The following TPST1 variants were observed in gnomAD, a reference collection of about 807,000 sequenced individuals.
TPST1 encodes protein-tyrosine sulfotransferase 1.
TPST1 carries 20 observed loss-of-function variants against 34.8 expected under a neutral mutation model. The ratio of observed to expected loss-of-function variants is 0.57; its 90% CI spans 0.40 to 0.84. TPST1 has a LOEUF of 0.84. Ranked by LOEUF, TPST1 falls within the 40% of genes least tolerant of loss-of-function variation. TPST1 has a pLI of 0.00. For missense variants in TPST1, 353 were observed against 455.5 expected (o/e 0.78, Z 2.05); for synonymous variants, 152 against 159.4 (o/e 0.95, Z 0.35).
intron 3 of TPST1, among the ~76,000 whole-genome samples, chr7:66,348,126 C>T (rs1792393087): frequency 6.6e-6 from 1 of 152,154 alleles, no homozygotes; most frequent in Non-Finnish European, 1.5e-5. Flanking sequence ...ATCCCACATC[C>T]TATCTGTTAG....
chr7:66,266,571 C>T (rs1165260550), intron 2 of TPST1, among the ~76,000 whole-genome samples: 2 of 152,086 alleles, frequency 1.3e-5, no homozygotes, highest in African/African-American at 4.8e-5. Flanking sequence ...AAAAGACTTA[C>T]AGAAGAATAT....
chr7:66,206,297 G>A (rs1441421059), intron 1 of TPST1, among the ~76,000 whole-genome samples: 1 of 152,034 alleles, frequency 6.6e-6, no homozygotes. Context: ...CCTTACATGA[G>A]CTGCACCCCA....
chr7:66,258,288 A>G (rs1163658811), intron 2 of TPST1, among the ~76,000 whole-genome samples: 2 of 152,152 alleles, frequency 1.3e-5, no homozygotes, highest in African/African-American at 4.8e-5. Context: ...CCTTGGAAGA[A>G]TGCTGATTTT....
chr7:66,345,756 C>A (rs1410949437), intron 3 of TPST1, among the ~76,000 whole-genome samples: 1 of 151,862 alleles, frequency 6.6e-6, no homozygotes, highest in Non-Finnish European at 1.5e-5. Context: ...TGCGGGTATA[C>A]AATATGTAAT....
At chr7:66,324,529 G>A (rs1375533751) in intron 3 of TPST1, among the ~76,000 whole-genome samples, 1 of 152,074 alleles carries the variant, frequency 6.6e-6, no homozygotes, top group Non-Finnish European at 1.5e-5. Context: ...ATTTTCGGCT[G>A]GGTGCAGTGG....
intron 1 of TPST1, among the ~76,000 whole-genome samples, chr7:66,232,929 G>A (rs529352813): frequency 1.3e-5 from 2 of 152,258 alleles, no homozygotes; most frequent in South Asian, 4.2e-4. Context: ...ATCTCATTGT[G>A]ATTTTGATTT....
At chr7:66,269,875 G>A (rs1379276468) in intron 2 of TPST1, among the ~76,000 whole-genome samples, 1 of 152,264 alleles carries the variant, frequency 6.6e-6, no homozygotes, top group East Asian at 1.9e-4. Flanking sequence ...AGTCAACAAA[G>A]CAGGCAAAAA....
At chr7:66,301,306 A>C (rs1287110536) in intron 3 of TPST1, among the ~76,000 whole-genome samples, 1 of 152,236 alleles carries the variant, frequency 6.6e-6, no homozygotes, top group Admixed American at 6.5e-5. Context: ...GCTTTGGCTT[A>C]AGGGAATGTC....
In TPST1 at chr7:66,360,419, A is replaced by G. The variant is rs1309204518; in HGVS notation, c.*554A>G. ...AATGACTTTTGTATTTTATTTTTCAAAATAAAAGCTTTCAATGTGAAGCAT... is the reference window on the plus strand; with the variant it reads ...AATGACTTTTGTATTTTATTTTTCAGAATAAAAGCTTTCAATGTGAAGCAT... On this transcript the variant is annotated 3_prime_UTR_variant, in exon 6 of 6. Transcript: ENST00000304842. The G allele has an allele frequency of 6.5e-6, 1 of 153,386 alleles. No individual in the cohort carries two copies. Among genetic ancestry groups the G allele is most frequent in the Non-Finnish European group, 1.5e-5 (1 of 68,824 alleles). The allele number at this position is 153,386 out of a possible 1,614,324, so 9.5% of individuals were successfully genotyped here. A position where few individuals can be genotyped will look rare whatever the true frequency, so the allele number is the denominator to read the frequency against.
intron 3 of TPST1, among the ~76,000 whole-genome samples, chr7:66,300,309 C>T (rs1393851118): frequency 6.6e-6 from 1 of 152,212 alleles, no homozygotes; most frequent in Admixed American, 6.5e-5. Context: ...TTTCTCTGCT[C>T]ATTCTTAAGA....
At chr7:66,227,418 T>C (rs1789681678) in intron 1 of TPST1, among the ~76,000 whole-genome samples, 1 of 152,010 alleles carries the variant, frequency 6.6e-6, no homozygotes, top group Admixed American at 6.6e-5. Context: ...AATTAATTAA[T>C]TAATTAATTT....
In TPST1 at chr7:66,325,900, C is replaced by T. The variant is rs181882037; in HGVS notation, c.1045-26605C>T. ...CTGCCCGCCTTGGCCTCCCAAATTG[C>T]TGGGGTTACAGGCGTGAGCCACCAT... On this transcript the variant is annotated intron_variant, in intron 3 of 5. Coordinates refer to ENST00000304842, the MANE Select transcript of TPST1 (RefSeq NM_003596.4). 2.0e-5 allele frequency among the ~76,000 whole-genome samples: 3 copies of T among 152,344 alleles called. No homozygotes were observed. In the East Asian group the frequency reaches 5.8e-4, roughly 29 times the overall value.
chr7:66,239,258 G>A (rs1445404427), intron 1 of TPST1, among the ~76,000 whole-genome samples: 1 of 152,150 alleles, frequency 6.6e-6, no homozygotes, highest in Non-Finnish European at 1.5e-5. Context: ...TGTGATTACA[G>A]GCGTAAGCTG....
intron 5 of TPST1, 44 bp from the exon 6 acceptor site, chr7:66,359,851 C>T: frequency 2.2e-6 from 1 of 456,408 alleles, no homozygotes; most frequent in Non-Finnish European, 4.4e-6. Context: ...GGAGAACACA[C>T]CGGGACTCCA....
chr7:66,202,640 T>C (rs1189898643), upstream of TPST1, among the ~76,000 whole-genome samples: 1 of 152,004 alleles, frequency 6.6e-6, no homozygotes, highest in African/African-American at 2.4e-5. Flanking sequence ...CCATGGTGAG[T>C]CCTTTTCCTG....
At chr7:66,231,680 G>T (rs1000656470) in intron 1 of TPST1, among the ~76,000 whole-genome samples, 1 of 152,242 alleles carries the variant, frequency 6.6e-6, no homozygotes, top group African/African-American at 2.4e-5. Flanking sequence ...CAGCTAGCCC[G>T]CAAGCACCAC....
chr7:66,262,110 G>A (rs1018804557), intron 2 of TPST1, among the ~76,000 whole-genome samples: 2 of 152,166 alleles, frequency 1.3e-5, no homozygotes, highest in Admixed American at 6.5e-5. Context: ...GTGTCCTGCT[G>A]ATAAGTGCTG....
At chr7:66,216,770 G>C (rs1261667713) in intron 1 of TPST1, among the ~76,000 whole-genome samples, 1 of 152,160 alleles carries the variant, frequency 6.6e-6, no homozygotes, top group Non-Finnish European at 1.5e-5. Flanking sequence ...ACCCAGCCCT[G>C]TTTGCTCTTT....
chr7:66,240,685 C>G lies in TPST1; in HGVS notation c.260C>G (p.Ala87Gly). ...CGGAGTGGAACCACACTCATGAGGG[C>G]CATGCTGGACGCACATCCTGACATT... Reference protein sequence around the residue: ...VPRSGTTLMRAMLDAHPDIRC... With the variant: ...VPRSGTTLMRGMLDAHPDIRC... The change falls in exon 2 of 6, where the codon GCC becomes GGC. Residue 87 changes from alanine (A) to glycine (G), a missense_variant. Coordinates refer to ENST00000304842, the MANE Select transcript of TPST1 (RefSeq NM_003596.4). 1 of 1,614,146 alleles carries G rather than the reference C, an allele frequency of 6.2e-7. No individual in the cohort carries two copies. Among genetic ancestry groups the G allele is most frequent in the East Asian group, 2.2e-5 (1 of 44,874 alleles).
Sources: gnomAD v4.1 joint callset for allele counts (sites outside exome capture counted in the v4.1 genomes callset) on GRCh38, gnomAD v4.1.1 for gene constraint, MANE v1.5 for transcripts, NCBI Gene and HGNC (gene_info 2026-07-23, HGNC 2026-07-21) for gene names.